Variants in PTPRD observed in about 807,000 individuals in gnomAD.
PTPRD encodes the protein receptor-type tyrosine-protein phosphatase delta.
Under a neutral mutation model 214.5 loss-of-function variants are expected in PTPRD, and 34 were observed. The observed-to-expected ratio is 0.16, with a 90% CI of 0.12 to 0.21. The LOEUF (loss-of-function observed/expected upper bound fraction) is 0.21. PTPRD is among the 10% of genes least tolerant of loss of function. The pLI is 1.00. For missense variants in PTPRD, 2,545 were observed against 2,398.7 expected, an observed-to-expected ratio of 1.06 and a Z score of -1.27; for synonymous variants, 1,128 against 845.7, an observed-to-expected ratio of 1.33 and a Z score of -5.79.
At chr9:8,980,165 A>AT (rs1236508523) in intron 11 of PTPRD, among the ~76,000 whole-genome samples, 1 of 151,998 alleles carries the variant, frequency 6.6e-6, no homozygotes, top group Admixed American at 6.6e-5. Context: ...ACATATGTGA[A>AT]TTTTTTTAAA....
chr9:10,500,580 A>C (rs1249865039), intron 2 of PTPRD, among the ~76,000 whole-genome samples: 5 of 151,848 alleles, frequency 3.3e-5, no homozygotes, highest in Admixed American at 6.6e-5. Context: ...GCTATCTTAA[A>C]ATGTACGATT....
intron 4 of PTPRD, among the ~76,000 whole-genome samples, chr9:9,939,812 G>C (rs989492033): frequency 6.6e-6 from 1 of 152,114 alleles, no homozygotes; most frequent in Non-Finnish European, 1.5e-5. Context: ...AAGGGCTCAA[G>C]AAAGTCCCAC....
intron 4 of PTPRD, among the ~76,000 whole-genome samples, chr9:10,002,582 T>C (rs1232352177): frequency 6.6e-6 from 1 of 150,982 alleles, no homozygotes; most frequent in Admixed American, 6.6e-5. Context: ...AAAATTTTAC[T>C]AGCACAAAAG....
At chr9:8,801,336 G>C (rs1346104101) in intron 11 of PTPRD, among the ~76,000 whole-genome samples, 1 of 152,190 alleles carries the variant, frequency 6.6e-6, no homozygotes, top group Non-Finnish European at 1.5e-5. Flanking sequence ...ATGGAGCTTA[G>C]ATATTTGTTT....
chr9:10,581,040 T>C (rs1347691411), intron 2 of PTPRD, among the ~76,000 whole-genome samples: 1 of 152,176 alleles, frequency 6.6e-6, no homozygotes, highest in African/African-American at 2.4e-5. Flanking sequence ...TTCCCATTCT[T>C]GGTTCTGCCA....
intron 7 of PTPRD, among the ~76,000 whole-genome samples, chr9:9,594,955 T>A (rs1266459178): frequency 6.6e-6 from 1 of 151,882 alleles, no homozygotes; most frequent in East Asian, 1.9e-4. Context: ...CAAAAGAAGA[T>A]CTACAAATGG....
chr9:8,976,408 G>T (rs145571441), intron 11 of PTPRD, among the ~76,000 whole-genome samples: 209 of 152,078 alleles, frequency 1.4e-3, no homozygotes, highest in Non-Finnish European at 2.1e-3. Context: ...ATGTTCTTTT[G>T]CTGTGCCAAG....
intron 5 of PTPRD, among the ~76,000 whole-genome samples, chr9:9,819,035 C>G (rs571133561): frequency 6.6e-6 from 1 of 151,618 alleles, no homozygotes; most frequent in African/African-American, 2.4e-5. Flanking sequence ...ACATGTTTTA[C>G]TTGATCCTGA....
At chr9:9,556,662 A>G (rs1225851614) in intron 8 of PTPRD, among the ~76,000 whole-genome samples, 1 of 152,164 alleles carries the variant, frequency 6.6e-6, no homozygotes, top group Non-Finnish European at 1.5e-5. Flanking sequence ...TTTAAAGTAT[A>G]TAACTTTGTC....
chr9:8,907,533 A>AT lies in PTPRD; in HGVS notation c.-104+111163_-104+111164insA, dbSNP rs1555505760. 4.7e-3 allele frequency among the ~76,000 whole-genome samples: 561 copies of AT among 118,200 alleles called. 10 individuals carry two copies. The South Asian group carries it at 0.061, about 13-fold the overall frequency. The allele number at this position is 118,200 out of a possible 152,430, so 77.5% of individuals were successfully genotyped here. A position where few individuals can be genotyped will look rare whatever the true frequency, so the allele number is the denominator to read the frequency against. On this transcript the variant is annotated intron_variant, in intron 11 of 45. Coordinates refer to ENST00000381196, the MANE Select transcript of PTPRD (RefSeq NM_002839.4). ...ACTCCGTCTCAAAAAAAAAAAAAAA[A>AT]ATATATATATATATATATATAAAGA...
At chr9:10,490,868 T>C (rs745493097) in intron 2 of PTPRD, among the ~76,000 whole-genome samples, 10 of 152,180 alleles carry the variant, frequency 6.6e-5, no homozygotes, top group Non-Finnish European at 1.2e-4. Flanking sequence ...TTTTAAAAAG[T>C]TATTAACAAC....
intron 8 of PTPRD, among the ~76,000 whole-genome samples, chr9:9,400,630 T>C (rs1488680617): frequency 2.0e-5 from 3 of 151,938 alleles, no homozygotes; most frequent in Non-Finnish European, 4.4e-5. Context: ...ATCTGGAAAA[T>C]ATAGAAATCC....
chr9:8,369,144 T>C (rs2080795049), intron 39 of PTPRD, among the ~76,000 whole-genome samples: 1 of 152,132 alleles, frequency 6.6e-6, no homozygotes, highest in Non-Finnish European at 1.5e-5. Context: ...GAAGAGACAT[T>C]TGAATGGAAC....
At chr9:8,822,355 T>C (rs1008001977) in intron 11 of PTPRD, among the ~76,000 whole-genome samples, 1 of 152,286 alleles carries the variant, frequency 6.6e-6, no homozygotes, top group East Asian at 1.9e-4. Flanking sequence ...TAAAAGGCTA[T>C]AAGAACTGGA....
chr9:9,511,355 A>T (rs1006271618), intron 8 of PTPRD, among the ~76,000 whole-genome samples: 1 of 151,800 alleles, frequency 6.6e-6, no homozygotes, highest in Non-Finnish European at 1.5e-5. Context: ...GATTCAATAC[A>T]GCTGTTGTCT....
chr9:8,777,171 G>T (rs1016936004), intron 11 of PTPRD, among the ~76,000 whole-genome samples: 1 of 151,596 alleles, frequency 6.6e-6, no homozygotes, highest in Non-Finnish European at 1.5e-5. Context: ...TAGAGATGGG[G>T]GTCTTACTAT....
intron 11 of PTPRD, among the ~76,000 whole-genome samples, chr9:8,947,085 C>T (rs1171665909): frequency 7.1e-6 from 1 of 139,952 alleles, no homozygotes; most frequent in Non-Finnish European, 1.5e-5. Context: ...TTATCTCTTA[C>T]TCCTTTAAAT....
intron 3 of PTPRD, among the ~76,000 whole-genome samples, chr9:10,113,862 A>G: frequency 6.6e-6 from 1 of 152,230 alleles, no homozygotes; most frequent in East Asian, 1.9e-4. Flanking sequence ...CATTTTGATT[A>G]GCAAGAATCT....
In PTPRD at chr9:8,501,548, T is replaced by C. The variant is rs112259990; in HGVS notation, c.1823-489A>G. 2.0e-3 allele frequency among the ~76,000 whole-genome samples: 298 copies of C among 152,328 alleles called. 4 individuals are homozygous for C. Among genetic ancestry groups the C allele is most frequent in the African/African-American group, 6.3e-3 (264 of 41,582 alleles). On this transcript the variant is annotated intron_variant, in intron 23 of 45. Coordinates refer to ENST00000381196, the MANE Select transcript of PTPRD (RefSeq NM_002839.4). ...ACAGTACTCATTTGTGAAAGGCTTCTTAAGTGTGAAAAGTTGCAATAACTG... is the reference window on the plus strand; with the variant it reads ...ACAGTACTCATTTGTGAAAGGCTTCCTAAGTGTGAAAAGTTGCAATAACTG...
Sources: gnomAD v4.1 joint callset for allele counts (sites outside exome capture counted in the v4.1 genomes callset) on GRCh38, gnomAD v4.1.1 for gene constraint, MANE v1.5 for transcripts, NCBI Gene and HGNC (gene_info 2026-07-23, HGNC 2026-07-21) for gene names.